The following CA10 variants were observed in gnomAD, a reference collection of about 807,000 sequenced individuals.
The protein encoded by CA10 is carbonic anhydrase 10 (inactive), also known as carbonic anhydrase-related protein 10.
A neutral mutation model predicts 44.2 loss-of-function variants in CA10; 14 were observed. The ratio of observed to expected loss-of-function variants is 0.32; its 90% confidence interval spans 0.21 to 0.50. CA10 has a LOEUF of 0.50. CA10 is among the 20% of genes least tolerant of loss of function. The pLI is 0.99. For synonymous variants in CA10, 159 were observed against 141.6 expected (o/e 1.12, Z -0.87); for missense variants, 350 against 409.7 (o/e 0.85, Z 1.26).
At chr17:51,870,884 TA>T (rs1157745331) in intron 3 of CA10, among the ~76,000 whole-genome samples, 1 of 152,124 alleles carries the variant, frequency 6.6e-6, no homozygotes, top group Non-Finnish European at 1.5e-5. Flanking sequence ...CAGCTAGCTC[TA>T]AGATGTTCTA....
chr17:51,969,985 C>T (rs1984221762), intron 2 of CA10, among the ~76,000 whole-genome samples: 1 of 152,016 alleles, frequency 6.6e-6, no homozygotes, highest in Non-Finnish European at 1.5e-5. Flanking sequence ...TATGGAGTTA[C>T]TGAGTGAGCT....
rs139632161 is a variant in CA10 at position 52,037,758 on chromosome 17, A to G, written c.136+34561T>C. On this transcript the variant is annotated intron_variant, in intron 2 of 8. Coordinates refer to ENST00000451037, the MANE Select transcript of CA10 (RefSeq NM_020178.5). ...TGCAGAGTCTGTATTTTCCCAATACACACCGTGACTTTTCTAGCCTCTGTG... is the reference window on the plus strand; with the variant it reads ...TGCAGAGTCTGTATTTTCCCAATACGCACCGTGACTTTTCTAGCCTCTGTG... Among the ~76,000 whole-genome samples, 25 of 152,232 alleles carry G rather than the reference A, an allele frequency of 1.6e-4. No individual in the cohort carries two copies. In the East Asian group the frequency reaches 4.6e-3, roughly 28 times the overall value.
chr17:51,787,457 T>C (rs1906334525), intron 3 of CA10, among the ~76,000 whole-genome samples: 1 of 152,132 alleles, frequency 6.6e-6, no homozygotes, highest in Non-Finnish European at 1.5e-5. Context: ...ATCCTTTGAA[T>C]TTCACTGATA....
chr17:52,027,629 A>G (rs1335325858), intron 2 of CA10, among the ~76,000 whole-genome samples: 2 of 152,180 alleles, frequency 1.3e-5, no homozygotes, highest in African/African-American at 4.8e-5. Context: ...AGCAGTGACT[A>G]TGCAACTCTC....
At chr17:51,694,661 G>A (rs1177850603) in intron 4 of CA10, among the ~76,000 whole-genome samples, 2 of 151,850 alleles carry the variant, frequency 1.3e-5, no homozygotes, top group East Asian at 1.9e-4. Flanking sequence ...AGTTTAATTC[G>A]GTCCCACTTG....
At chr17:51,830,143 G>T (rs1391652126) in intron 3 of CA10, among the ~76,000 whole-genome samples, 5 of 144,982 alleles carry the variant, frequency 3.4e-5, no homozygotes, top group African/African-American at 1.3e-4. Context: ...GTTGCAGTGA[G>T]CTGAGATTGC....
chr17:51,782,326 C>G (rs1039927034), intron 3 of CA10, among the ~76,000 whole-genome samples: 1 of 152,182 alleles, frequency 6.6e-6, no homozygotes, highest in Non-Finnish European at 1.5e-5. Context: ...ATCTAGGCTT[C>G]CCATCCATCA....
chr17:52,021,065 G>A (rs776794468), intron 2 of CA10, among the ~76,000 whole-genome samples: 4 of 151,702 alleles, frequency 2.6e-5, no homozygotes, highest in Non-Finnish European at 4.4e-5. Flanking sequence ...GATGGGTATC[G>A]AGGTTGATTC....
chr17:51,637,023 T>G (rs1320709450), intron 6 of CA10, among the ~76,000 whole-genome samples: 1 of 152,174 alleles, frequency 6.6e-6, no homozygotes, highest in African/African-American at 2.4e-5. Context: ...GTTAATTTTT[T>G]TAGTCAATGT....
At chr17:51,924,209 G>A (rs1982336503) in intron 3 of CA10, among the ~76,000 whole-genome samples, 1 of 152,178 alleles carries the variant, frequency 6.6e-6, no homozygotes, top group African/African-American at 2.4e-5. Context: ...CCTTAGGCAA[G>A]TGGGGTGAAG....
At chr17:51,973,390 C>T (rs1229708464) in intron 2 of CA10, among the ~76,000 whole-genome samples, 1 of 152,160 alleles carries the variant, frequency 6.6e-6, no homozygotes, top group Non-Finnish European at 1.5e-5. Context: ...GACAGGAGGA[C>T]GCTCTGCAGA....
chr17:52,076,815 T>C (rs1399536938), intron 1 of CA10, among the ~76,000 whole-genome samples: 1 of 152,134 alleles, frequency 6.6e-6, no homozygotes, highest in Non-Finnish European at 1.5e-5. Context: ...TGTTTACATG[T>C]GATTTGAAGT....
chr17:51,937,627 T>A (rs1567892210), intron 2 of CA10, among the ~76,000 whole-genome samples: 1 of 152,100 alleles, frequency 6.6e-6, no homozygotes. Flanking sequence ...ATCTAAAAAA[T>A]TAATGGACTG....
intron 1 of CA10, among the ~76,000 whole-genome samples, chr17:52,080,315 G>A (rs1388014547): frequency 1.3e-5 from 2 of 152,012 alleles, no homozygotes; most frequent in East Asian, 3.9e-4. Flanking sequence ...AGCTGGGCTT[G>A]GTGGCCGGCG....
At chr17:51,705,587 G>T (rs1172842389) in intron 4 of CA10, among the ~76,000 whole-genome samples, 1 of 152,048 alleles carries the variant, frequency 6.6e-6, no homozygotes, top group Non-Finnish European at 1.5e-5. Flanking sequence ...CGGAGATGAG[G>T]ACAGGAAATA....
intron 2 of CA10, among the ~76,000 whole-genome samples, chr17:52,033,131 T>A (rs1986517897): frequency 6.6e-6 from 1 of 152,106 alleles, no homozygotes; most frequent in Admixed American, 6.5e-5. Context: ...AAAATAGATG[T>A]TGTTAAGTGG....
At chr17:51,909,903 T>C (rs1006800234) in intron 3 of CA10, among the ~76,000 whole-genome samples, 14 of 152,126 alleles carry the variant, frequency 9.2e-5, no homozygotes, top group African/African-American at 2.9e-4. Flanking sequence ...CTGGCTCTTT[T>C]AAACTACTGC....
intron 4 of CA10, among the ~76,000 whole-genome samples, chr17:51,703,353 TCTTTC>T (rs1915660982): frequency 6.6e-6 from 1 of 152,104 alleles, no homozygotes; most frequent in African/African-American, 2.4e-5. Context: ...CATGATAATA[TCTTTC>T]CATGGAAAGA....
intron 3 of CA10, among the ~76,000 whole-genome samples, chr17:51,822,687 G>A (rs1205038252): frequency 6.6e-6 from 1 of 152,188 alleles, no homozygotes; most frequent in Non-Finnish European, 1.5e-5. Context: ...AGAATGTGTA[G>A]CATGGTGCAC....
Sources: gnomAD v4.1 joint callset for allele counts (sites outside exome capture counted in the v4.1 genomes callset) on GRCh38, gnomAD v4.1.1 for gene constraint, MANE v1.5 for transcripts, NCBI Gene and HGNC (gene_info 2026-07-23, HGNC 2026-07-21) for gene names.